SPAG17: variants seen among roughly 807,000 people sequenced by gnomAD.
The protein encoded by SPAG17 is sperm associated antigen 17.
A neutral mutation model predicts 273.6 loss-of-function variants in SPAG17; 169 were observed. That is an observed-to-expected ratio of 0.62 (90% confidence interval 0.55 to 0.70). SPAG17 has a LOEUF of 0.70. Among genes scored for constraint, SPAG17 ranks in the 30% least tolerant of loss-of-function variants. The pLI, the probability that SPAG17 is intolerant of heterozygous loss-of-function variation, is 0.00. For synonymous variants in SPAG17, 825 were observed against 873.2 expected, an observed-to-expected ratio of 0.94 and a Z score of 0.97; for missense variants, 2,557 against 2,627.8, an observed-to-expected ratio of 0.97 and a Z score of 0.59.
At chr1:118,064,286 C>T (rs1215387837) in intron 18 of SPAG17, among the ~76,000 whole-genome samples, 2 of 151,934 alleles carry the variant, frequency 1.3e-5, no homozygotes, top group Non-Finnish European at 2.9e-5. Flanking sequence ...CACATGCACA[C>T]GTATGTTTAT....
At position 118,185,191 on chromosome 1, in the gene SPAG17, G is replaced by A. The variant is rs780279244; in HGVS notation, c.-34C>T. 2 of 1,562,682 alleles carry A rather than the reference G, an allele frequency of 1.3e-6. No homozygotes were observed. The highest frequency in any genetic ancestry group is 2.2e-5 in the South Asian group (2 of 90,068). On this transcript the variant is annotated 5_prime_UTR_variant, in exon 1 of 49. Coordinates refer to ENST00000336338, the MANE Select transcript of SPAG17 (RefSeq NM_206996.4). ...CGGGAGAAGCATTGGCCTCTAAACT[G>A]GGCGCAGGCCCTGCCTAAGCGTCCC...
chr1:118,016,907 G>A (rs1366221492), intron 28 of SPAG17, among the ~76,000 whole-genome samples: 1 of 152,140 alleles, frequency 6.6e-6, no homozygotes, highest in Non-Finnish European at 1.5e-5. Flanking sequence ...ATAATAATGA[G>A]TAATCTGTAG....
chr1:118,039,992 C>T (rs1207634172), intron 22 of SPAG17, among the ~76,000 whole-genome samples: 2 of 151,980 alleles, frequency 1.3e-5, no homozygotes, highest in African/African-American at 4.8e-5. Context: ...CAATGTATGC[C>T]TATAATCAAT....
At chr1:117,973,698 T>C in intron 43 of SPAG17, 137 bp from the exon 44 acceptor site, 1 of 776,150 alleles carries the variant, frequency 1.3e-6, no homozygotes. Context: ...ATTTATTTAT[T>C]TTTATTTTAA....
chr1:118,001,664 A>G (rs1658299053), intron 32 of SPAG17, among the ~76,000 whole-genome samples: 1 of 152,102 alleles, frequency 6.6e-6, no homozygotes, highest in Non-Finnish European at 1.5e-5. Flanking sequence ...ATCCGTGGTC[A>G]TATCTCTTTT....
intron 48 of SPAG17, chr1:117,959,124 T>C: frequency 7.8e-7 from 1 of 1,287,630 alleles, no homozygotes. Context: ...ATATTTGAGA[T>C]AGTTTTTGTT....
chr1:118,109,203 G>A (rs1483384040), intron 4 of SPAG17, among the ~76,000 whole-genome samples: 7 of 149,942 alleles, frequency 4.7e-5, no homozygotes, highest in East Asian at 2.0e-4. Flanking sequence ...GTGCAGTGGC[G>A]CGATGTCAGC....
chr1:117,971,814 C>T, intron 45 of SPAG17, 49 bp downstream of exon 45: 1 of 1,510,870 alleles, frequency 6.6e-7, no homozygotes. Flanking sequence ...AGACAAGTCA[C>T]AGGGTAGGGA....
chr1:118,136,674 ACT>A (rs1658377125), intron 3 of SPAG17, among the ~76,000 whole-genome samples: 1 of 152,094 alleles, frequency 6.6e-6, no homozygotes, highest in Non-Finnish European at 1.5e-5. Flanking sequence ...AAACGGAGAA[ACT>A]CTTTTCCCCA....
intron 19 of SPAG17, 86 bp downstream of exon 19, chr1:118,055,647 G>A: frequency 8.6e-7 from 1 of 1,162,812 alleles, no homozygotes; most frequent in South Asian, 1.4e-5. Context: ...TTTTAATATT[G>A]AAAATATTCA....
chr1:118,151,151 AG>A, intron 2 of SPAG17, 77 bp downstream of exon 2: 2 of 1,202,196 alleles, frequency 1.7e-6, no homozygotes, highest in South Asian at 3.1e-5. Flanking sequence ...AGAATATGAT[AG>A]TTTATTTTAT....
rs1341021330 is a variant in SPAG17, at chr1:118,025,425, A to G, written c.3731-9T>C. ...ATCTATAACATATTGACCTAAAAAA[A>G]GAATAAAGCCTTCTTGTGAACTGGA... is the stretch of plus-strand genomic sequence containing the variant. On this transcript the variant is annotated splice_polypyrimidine_tract_variant and intron_variant, in intron 26 of 48. Transcript: ENST00000336338. 2 of 1,520,054 alleles carry G rather than the reference A, an allele frequency of 1.3e-6. No individual in the cohort carries two copies. Among genetic ancestry groups the G allele is most frequent in the East Asian group, 4.7e-5 (2 of 42,624 alleles). The allele number at this position is 1,520,054 out of a possible 1,614,324, so 94.2% of individuals were successfully genotyped here.
At chr1:118,130,499 G>T (rs1174064275) in intron 3 of SPAG17, among the ~76,000 whole-genome samples, 2 of 152,102 alleles carry the variant, frequency 1.3e-5, no homozygotes, top group African/African-American at 4.8e-5. Flanking sequence ...GCTAAAACTG[G>T]GATAGTCCCT....
chr1:118,113,590 G>A (rs1054299079), intron 4 of SPAG17, among the ~76,000 whole-genome samples: 1 of 151,900 alleles, frequency 6.6e-6, no homozygotes, highest in African/African-American at 2.4e-5. Context: ...TGGTGCTTTG[G>A]GAACCCAAAA....
At position 117,984,060 on chromosome 1, in the gene SPAG17, T is replaced by G. The variant is rs554910159; in HGVS notation, c.5770-147A>C. On this transcript the variant is annotated intron_variant, in intron 41 of 48. Coordinates refer to ENST00000336338, the MANE Select transcript of SPAG17 (RefSeq NM_206996.4). ...AAACTAAAATTCTACAAGAGACTGA[T>G]TAACCCAATTCTAGCTTTTGTTAAC... 24 of 514,402 alleles carry G rather than the reference T, an allele frequency of 4.7e-5. No individual in the cohort carries two copies. The East Asian group carries it at 6.6e-4, about 14-fold the overall frequency. The allele number at this position is 514,402 out of a possible 1,614,324, so 31.9% of individuals were successfully genotyped here. A position where few individuals can be genotyped will look rare whatever the true frequency, so the allele number is the denominator to read the frequency against.
At chr1:118,146,812 A>G (rs529900731) in intron 3 of SPAG17, among the ~76,000 whole-genome samples, 7 of 152,300 alleles carry the variant, frequency 4.6e-5, no homozygotes, top group African/African-American at 1.7e-4. Flanking sequence ...CTATGCCTCC[A>G]TTTCCCCGTG....
chr1:118,061,928 A>T (rs1241741256), intron 18 of SPAG17, among the ~76,000 whole-genome samples: 1 of 152,210 alleles, frequency 6.6e-6, no homozygotes, highest in Non-Finnish European at 1.5e-5. Flanking sequence ...AAAGGACAAA[A>T]TTAGGTGGTT....
At chr1:118,068,155 T>G (rs1653174388) in intron 17 of SPAG17, among the ~76,000 whole-genome samples, 1 of 150,274 alleles carries the variant, frequency 6.7e-6, no homozygotes, top group Non-Finnish European at 1.5e-5. Context: ...ATATATAATA[T>G]ATATATATAT....
chr1:118,159,033 A>C (rs1467758591), intron 1 of SPAG17, among the ~76,000 whole-genome samples: 1 of 152,236 alleles, frequency 6.6e-6, no homozygotes, highest in East Asian at 1.9e-4. Flanking sequence ...CCAAAACCAC[A>C]CACTAAAGAG....
Sources: allele counts gnomAD v4.1 joint callset (sites outside exome capture counted in the v4.1 genomes callset), GRCh38; gene constraint gnomAD v4.1.1; transcripts MANE v1.5; gene names NCBI Gene and HGNC (gene_info 2026-07-23, HGNC 2026-07-21).